Variants in PTPRM observed in about 807,000 individuals in gnomAD.
The protein encoded by PTPRM is protein tyrosine phosphatase receptor type M.
In PTPRM, 47 loss-of-function variants were observed where a neutral mutation model predicts 186.7. The ratio of observed to expected loss-of-function variants is 0.25; its 90% CI spans 0.20 to 0.32. The LOEUF (loss-of-function observed/expected upper bound fraction) is 0.32. PTPRM is among the 10% of genes least tolerant of loss of function. The pLI, the probability that PTPRM is intolerant of heterozygous loss-of-function variation, is 1.00. For missense variants in PTPRM, 1,494 were observed against 1,865.0 expected (o/e 0.80, Z 3.66); for synonymous variants, 668 against 674.9 (o/e 0.99, Z 0.16).
intron 7 of PTPRM, among the ~76,000 whole-genome samples, chr18:7,959,450 C>G (rs2053526914): frequency 6.6e-6 from 1 of 152,134 alleles, no homozygotes; most frequent in Non-Finnish European, 1.5e-5. Flanking sequence ...TTTTTGGTGA[C>G]ACCCATGAAA....
rs754503661 is a variant in PTPRM at position 8,085,763 on chromosome 18, T to G, written c.1644T>G (p.Phe548Leu). The G allele has an allele frequency of 9.9e-6, 16 of 1,612,982 alleles. No homozygotes were observed. The highest frequency in any genetic ancestry group is 1.4e-5 in the Non-Finnish European group (16 of 1,179,224). ...RVSKLGNETH[F>L]LFFGLYPGTT... is the part of the protein sequence containing the mutation. Reference sequence around the variant, plus strand: ...CAAAGCTGGGAAATGAAACCCATTTTCTGTTTTTTGGACTGTATCCGGGGA... The same window carrying G: ...CAAAGCTGGGAAATGAAACCCATTTGCTGTTTTTTGGACTGTATCCGGGGA... The change falls in exon 10 of 33, where the codon TTT becomes TTG. Residue 548 changes from phenylalanine to leucine, a missense_variant. Phe to Leu is a conservative substitution (Grantham distance 22). Transcript: ENST00000580170.
At chr18:8,122,011 T>C (rs1208041182) in intron 13 of PTPRM, 2 of 152,196 alleles carry the variant, frequency 1.3e-5, no homozygotes, top group Non-Finnish European at 2.9e-5. Flanking sequence ...TGCAACTGTG[T>C]CATAGTTAGA....
chr18:7,708,394 G>A (rs761984843), intron 1 of PTPRM, among the ~76,000 whole-genome samples: 2 of 152,140 alleles, frequency 1.3e-5, no homozygotes, highest in African/African-American at 2.4e-5. Flanking sequence ...CTCTTTCTGT[G>A]TAATTTGCTA....
chr18:7,733,708 C>T (rs749807308), intron 1 of PTPRM, among the ~76,000 whole-genome samples: 1 of 152,130 alleles, frequency 6.6e-6, no homozygotes, highest in Non-Finnish European at 1.5e-5. Flanking sequence ...CAGAGGGTCC[C>T]TGTAAGCAGG....
rs138989364 is a variant in PTPRM at position 8,116,808 on chromosome 18, G to C, written c.2167+1981G>C. 7.0e-4 allele frequency among the ~76,000 whole-genome samples: 107 copies of C among 152,240 alleles called. No homozygotes were observed. In the East Asian group the frequency reaches 0.017, roughly 25 times the overall value. ...GTAATTTGTTTTTCAATTCACCAAA[G>C]GATGATTAAGCAATCAGATGACCTG... On this transcript the variant is annotated intron_variant, in intron 13 of 32. Coordinates refer to ENST00000580170, the MANE Select transcript of PTPRM (RefSeq NM_001105244.2).
chr18:7,705,242 A>G (rs77108184), intron 1 of PTPRM, among the ~76,000 whole-genome samples: 2,043 of 152,184 alleles, frequency 0.013, 57 homozygotes, highest in African/African-American at 0.045. Context: ...ACAATAGCAA[A>G]TAAGTATTTA....
chr18:8,296,374 T>C lies in PTPRM; in HGVS notation c.2761T>C (p.Phe921Leu). 1 of 1,604,022 alleles carries C rather than the reference T, an allele frequency of 6.2e-7. No homozygotes were observed. The highest frequency in any genetic ancestry group is 8.5e-7 in the Non-Finnish European group (1 of 1,170,892). The change falls in exon 20 of 33, where the codon TTT becomes CTT. Residue 921 changes from phenylalanine to leucine, a missense_variant. Physicochemically the swap from Phe to Leu is conservative, Grantham distance 22. Around this residue, in one of 3 missense-constraint regions of PTPRM, gnomAD observed 1,107 missense variants for 1,350.2 expected, o/e 0.82. Coordinates refer to ENST00000580170, the MANE Select transcript of PTPRM (RefSeq NM_001105244.2). ...AGTCTCACTTTCCTTCTAGAGCTTC[T>C]TTGAAGGGCAGTCTGCACCATGGGA... is the stretch of plus-strand genomic sequence containing the variant. ...YGFKEEYESFFEGQSAPWDSA... is the reference protein window; with the variant it reads ...YGFKEEYESFLEGQSAPWDSA...
At chr18:8,300,428 T>C (rs915255222) in intron 20 of PTPRM, among the ~76,000 whole-genome samples, 5 of 152,056 alleles carry the variant, frequency 3.3e-5, no homozygotes, top group African/African-American at 1.2e-4. Context: ...TTGATCGTTG[T>C]TACCTGAAAA....
chr18:8,130,904 A>G (rs2092488180), intron 13 of PTPRM, among the ~76,000 whole-genome samples: 1 of 152,210 alleles, frequency 6.6e-6, no homozygotes. Context: ...GGAGAATACT[A>G]TTTCTTTACC....
intron 1 of PTPRM, among the ~76,000 whole-genome samples, chr18:7,586,781 G>A (rs1004880990): frequency 6.6e-6 from 1 of 152,134 alleles, no homozygotes; most frequent in South Asian, 2.1e-4. Flanking sequence ...GAGAAGGAGA[G>A]AACGTATGCC....
intron 4 of PTPRM, among the ~76,000 whole-genome samples, chr18:7,922,104 G>A (rs576523720): frequency 3.9e-5 from 6 of 152,218 alleles, no homozygotes; most frequent in African/African-American, 1.4e-4. Flanking sequence ...TTTGGCACTA[G>A]ATGACACCTT....
intron 19 of PTPRM, among the ~76,000 whole-genome samples, chr18:8,295,059 T>C (rs553293645): frequency 1.3e-5 from 2 of 152,300 alleles, no homozygotes; most frequent in East Asian, 3.9e-4. Flanking sequence ...GATGAACACA[T>C]AGCTCCCACT....
At chr18:8,151,953 A>C (rs1002927211) in intron 14 of PTPRM, among the ~76,000 whole-genome samples, 1 of 151,998 alleles carries the variant, frequency 6.6e-6, no homozygotes, top group African/African-American at 2.4e-5. Context: ...ATGACACCCC[A>C]CCCTGCTTCG....
chr18:7,853,285 C>A (rs1275008336), intron 2 of PTPRM, among the ~76,000 whole-genome samples: 1 of 152,006 alleles, frequency 6.6e-6, no homozygotes, highest in African/African-American at 2.4e-5. Context: ...TTCTGTTATC[C>A]TTATGTGAGT....
chr18:7,783,445 T>C (rs1465525663), intron 2 of PTPRM, among the ~76,000 whole-genome samples: 1 of 152,138 alleles, frequency 6.6e-6, no homozygotes, highest in Non-Finnish European at 1.5e-5. Flanking sequence ...GAGGGGTTAG[T>C]GGGTAGAGAT....
At chr18:7,829,238 A>G (rs2045640758) in intron 2 of PTPRM, among the ~76,000 whole-genome samples, 1 of 152,216 alleles carries the variant, frequency 6.6e-6, no homozygotes, top group Admixed American at 6.5e-5. Flanking sequence ...TAAATGTTAG[A>G]GACATTTTTG....
At chr18:8,237,201 A>G (rs2094354725) in intron 14 of PTPRM, among the ~76,000 whole-genome samples, 1 of 152,138 alleles carries the variant, frequency 6.6e-6, no homozygotes, top group African/African-American at 2.4e-5. Context: ...TCACTTGTCT[A>G]TAGCTATAAT....
chr18:7,960,378 G>A (rs1334935588), intron 7 of PTPRM, among the ~76,000 whole-genome samples: 3 of 151,162 alleles, frequency 2.0e-5, no homozygotes, highest in South Asian at 2.1e-4. Flanking sequence ...AGCCCTGCCA[G>A]TAGAGTGACA....
intron 7 of PTPRM, among the ~76,000 whole-genome samples, chr18:7,992,673 A>G (rs767817149): frequency 2.6e-4 from 39 of 152,166 alleles, no homozygotes; most frequent in Non-Finnish European, 4.7e-4. Context: ...GTTCTGGGAA[A>G]CTATGACTTT....
Sources: allele counts gnomAD v4.1 joint callset (sites outside exome capture counted in the v4.1 genomes callset), GRCh38; gene constraint gnomAD v4.1.1; regional missense constraint gnomAD v4.1.1; transcripts MANE v1.5; gene names NCBI Gene and HGNC (gene_info 2026-07-23, HGNC 2026-07-21).